The following ARSJ variants were observed in gnomAD, a reference collection of about 807,000 sequenced individuals.
ARSJ encodes the protein arylsulfatase J.
A neutral mutation model predicts 35.9 loss-of-function variants in ARSJ; 26 were observed. The ratio of observed to expected loss-of-function variants is 0.72; its 90% CI spans 0.53 to 1.00. The LOEUF (loss-of-function observed/expected upper bound fraction) is 1.00. Among genes scored for constraint, ARSJ ranks in the 50% least tolerant of loss-of-function variants. The pLI is 0.00. For missense variants in ARSJ, 667 were observed against 723.6 expected, an observed-to-expected ratio of 0.92 and a Z score of 0.90; for synonymous variants, 294 against 267.6, an observed-to-expected ratio of 1.10 and a Z score of -0.96.
intron 1 of ARSJ, among the ~76,000 whole-genome samples, chr4:113,905,427 T>C (rs975121674): frequency 1.3e-5 from 2 of 152,136 alleles, no homozygotes; most frequent in Non-Finnish European, 2.9e-5. Flanking sequence ...ATGAGCTTTT[T>C]GAAGTGTTAA....
chr4:113,911,305 C>T (rs1389940367), intron 1 of ARSJ, among the ~76,000 whole-genome samples: 2 of 152,096 alleles, frequency 1.3e-5, no homozygotes, highest in Non-Finnish European at 2.9e-5. Context: ...GAGGATAGAG[C>T]TGTACTAAGG....
At chr4:113,951,069 G>T (rs1725835157) in intron 1 of ARSJ, among the ~76,000 whole-genome samples, 2 of 152,128 alleles carry the variant, frequency 1.3e-5, no homozygotes, top group South Asian at 4.1e-4. Flanking sequence ...TTATGAGAAG[G>T]CATTAGAAAC....
chr4:113,945,207 A>G (rs1317809391), intron 1 of ARSJ, among the ~76,000 whole-genome samples: 3 of 152,044 alleles, frequency 2.0e-5, no homozygotes, highest in African/African-American at 2.4e-5. Context: ...CAATGGTGAA[A>G]TCACAGCTCA....
intron 1 of ARSJ, among the ~76,000 whole-genome samples, chr4:113,931,669 A>G (rs1483865254): frequency 6.6e-6 from 1 of 152,138 alleles, no homozygotes; most frequent in Non-Finnish European, 1.5e-5. Context: ...ACGTGCAGGC[A>G]GGACCTCATG....
chr4:113,919,221 C>T (rs548943431), intron 1 of ARSJ, among the ~76,000 whole-genome samples: 40 of 152,184 alleles, frequency 2.6e-4, no homozygotes, highest in African/African-American at 8.2e-4. Context: ...GAAGTGACCA[C>T]GAGGCTGTGA....
Position 113,979,103 on chromosome 4 carries a change from G to A in ARSJ, c.-269C>T. On this transcript the variant is annotated 5_prime_UTR_variant, in exon 1 of 2. Coordinates refer to ENST00000315366, the MANE Select transcript of ARSJ (RefSeq NM_024590.4). ...CCCTCCCTAGAGCAGCTTCCACCAAGGAAAAAAAAAAGAAAAAAGTTAATA... is the reference window on the plus strand; with the variant it reads ...CCCTCCCTAGAGCAGCTTCCACCAAAGAAAAAAAAAAGAAAAAAGTTAATA... 6.2e-6 allele frequency: 2 copies of A among 321,316 alleles called. No homozygotes were observed. The allele number at this position is 321,316 out of a possible 1,614,324, so 19.9% of individuals were successfully genotyped here.
chr4:113,908,578 T>C (rs112583953), intron 1 of ARSJ, among the ~76,000 whole-genome samples: 5,274 of 71,018 alleles, frequency 0.074, 319 homozygotes, highest in African/African-American at 0.2. Context: ...GCTATAGTTG[T>C]AATTAATCTA....
At position 113,941,459 on chromosome 4, in the gene ARSJ, C is replaced by T. The variant is rs970848364; in HGVS notation, c.398+36978G>A. Among the ~76,000 whole-genome samples, 48 of 152,044 alleles carry T rather than the reference C, an allele frequency of 3.2e-4. 1 individual carries two copies. Among genetic ancestry groups the T allele is most frequent in the African/African-American group, 9.4e-4 (39 of 41,522 alleles). On this transcript the variant is annotated intron_variant, in intron 1 of 1. Coordinates refer to ENST00000315366, the MANE Select transcript of ARSJ (RefSeq NM_024590.4). Reference sequence around the variant, plus strand: ...AGATGAGGAGGCATGGCATATAGGTCCTCAAACAACTTGTGTCTGGTATCA... The same window carrying T: ...AGATGAGGAGGCATGGCATATAGGTTCTCAAACAACTTGTGTCTGGTATCA...
In ARSJ at chr4:113,972,271, T is replaced by C. The variant is rs117341301; in HGVS notation, c.398+6166A>G. The stretch of plus-strand genomic sequence containing the variant: ...GGCTATAATTAAAACCAGAAACTCA[T>C]TACTTTCTAAGAGATGATCTGGAAA... On this transcript the variant is annotated intron_variant, in intron 1 of 1. Coordinates refer to ENST00000315366, the MANE Select transcript of ARSJ (RefSeq NM_024590.4). Among the ~76,000 whole-genome samples the C allele has an allele frequency of 0.014, 1,721 of 123,022 alleles. 107 individuals are homozygous for C. In the East Asian group the frequency reaches 0.18, roughly 13 times the overall value. 80.7% of individuals were successfully genotyped at this position (123,022 alleles called of 152,430 possible). A position where few individuals can be genotyped will look rare whatever the true frequency, so the allele number is the denominator to read the frequency against.
intron 1 of ARSJ, among the ~76,000 whole-genome samples, chr4:113,959,244 T>G (rs1257956985): frequency 6.6e-6 from 1 of 152,036 alleles, no homozygotes; most frequent in African/African-American, 2.4e-5. Context: ...GGGAATAATT[T>G]CTGTTTACCC....
At chr4:113,956,002 T>A (rs1450112655) in intron 1 of ARSJ, among the ~76,000 whole-genome samples, 1 of 152,086 alleles carries the variant, frequency 6.6e-6, no homozygotes, top group Non-Finnish European at 1.5e-5. Context: ...GAAATCTATT[T>A]AAAAACTGTT....
At chr4:113,931,783 AAGAAACG>A (rs1724469886) in intron 1 of ARSJ, among the ~76,000 whole-genome samples, 1 of 152,092 alleles carries the variant, frequency 6.6e-6, no homozygotes, top group South Asian at 2.1e-4. Flanking sequence ...GTGGAAACAC[AAGAAACG>A]CTTGATCCAG....
rs1727740382 is a variant in ARSJ at position 113,978,619 on chromosome 4, G to T, written c.216C>A (p.Ser72=). The T allele has an allele frequency of 6.2e-7, 1 of 1,614,184 alleles. No individual in the cohort carries two copies. Among genetic ancestry groups the T allele is most frequent in the Non-Finnish European group, 8.5e-7 (1 of 1,180,018 alleles). Residue 72 remains serine (S), a synonymous_variant, in exon 1 of 2, where the codon TCC becomes TCA. Transcript: ENST00000315366. ...TGAAAATGAGATGGGGCTGGGAGGT[G>T]GAAGTTGTGCTGGGCTCTAGTTTCT... ...AGEKLEPSTT[S]TSQPHLIFIL...
chr4:113,927,905 G>C (rs1286372585), intron 1 of ARSJ, among the ~76,000 whole-genome samples: 2 of 152,132 alleles, frequency 1.3e-5, no homozygotes, highest in East Asian at 3.9e-4. Context: ...GGTAGAGGCA[G>C]CTCTAATGGC....
intron 1 of ARSJ, among the ~76,000 whole-genome samples, chr4:113,973,612 C>T (rs895779615): frequency 6.6e-6 from 1 of 152,182 alleles, no homozygotes; most frequent in African/African-American, 2.4e-5. Flanking sequence ...ATTTTTACTG[C>T]ATTTCTTTAC....
At chr4:113,937,082 ATAAG>A (rs1724810375) in intron 1 of ARSJ, among the ~76,000 whole-genome samples, 1 of 151,976 alleles carries the variant, frequency 6.6e-6, no homozygotes, top group South Asian at 2.1e-4. Flanking sequence ...TGTTCACTCA[ATAAG>A]TAATATTCAC....
At chr4:113,954,282 C>G (rs1025272089) in intron 1 of ARSJ, among the ~76,000 whole-genome samples, 4 of 151,994 alleles carry the variant, frequency 2.6e-5, no homozygotes, top group Non-Finnish European at 4.4e-5. Context: ...CAAATTTCTT[C>G]CTTAAACTTA....
At chr4:113,940,821 G>C (rs1725112620) in intron 1 of ARSJ, among the ~76,000 whole-genome samples, 1 of 151,446 alleles carries the variant, frequency 6.6e-6, no homozygotes, top group Non-Finnish European at 1.5e-5. Context: ...TTTTCATCTT[G>C]AATTCAAATT....
intron 1 of ARSJ, among the ~76,000 whole-genome samples, chr4:113,910,922 T>A (rs1013489010): frequency 6.6e-6 from 1 of 152,148 alleles, no homozygotes; most frequent in East Asian, 1.9e-4. Flanking sequence ...TAAGTGCTCA[T>A]AGTAGAGTCA....
Sources: gnomAD v4.1 joint callset for allele counts (sites outside exome capture counted in the v4.1 genomes callset) on GRCh38, gnomAD v4.1.1 for gene constraint, MANE v1.5 for transcripts, NCBI Gene and HGNC (gene_info 2026-07-23, HGNC 2026-07-21) for gene names.